Variants in FLRT2 observed in about 807,000 individuals in gnomAD.
FLRT2 encodes fibronectin leucine rich transmembrane protein 2, also known as leucine-rich repeat transmembrane protein FLRT2.
A neutral mutation model predicts 40.0 loss-of-function variants in FLRT2; 15 were observed. The ratio of observed to expected loss-of-function variants is 0.38; its 90% confidence interval spans 0.25 to 0.58. The LOEUF is 0.58. Ranked by LOEUF, FLRT2 falls within the 20% of genes least tolerant of loss-of-function variation. The pLI is 0.71. For missense variants in FLRT2, 726 were observed against 840.0 expected, an observed-to-expected ratio of 0.86 and a Z score of 1.68; for synonymous variants, 380 against 336.8, an observed-to-expected ratio of 1.13 and a Z score of -1.41.
Position 85,653,660 on chromosome 14 carries a change from G to A in FLRT2, c.*30163G>A, listed in dbSNP as rs564080069. ...CCACCTTGGAGAGAGCCCACACGGA[G>A]ACTGGAGATGTAGACTATTAAGAGC... On this transcript the variant is annotated 3_prime_UTR_variant, in exon 2 of 2. Coordinates refer to ENST00000330753, the MANE Select transcript of FLRT2 (RefSeq NM_013231.6). 1 of 152,124 alleles carries A rather than the reference G, an allele frequency of 6.6e-6. No homozygotes were observed. Among genetic ancestry groups the A allele is most frequent in the African/African-American group, 2.4e-5 (1 of 41,416 alleles). The allele number at this position is 152,124 out of a possible 1,614,324, so 9.4% of individuals were successfully genotyped here. A position where few individuals can be genotyped will look rare whatever the true frequency, so the allele number is the denominator to read the frequency against.
intron 1 of FLRT2, among the ~76,000 whole-genome samples, chr14:85,560,098 T>C (rs980086642): frequency 6.6e-6 from 1 of 152,204 alleles, no homozygotes; most frequent in Non-Finnish European, 1.5e-5. Flanking sequence ...TCTGACTCTT[T>C]GGGGCTGAGT....
At position 85,642,044 on chromosome 14, in the gene FLRT2, C is replaced by G. The variant is rs1457371318; in HGVS notation, c.*18547C>G. ...ACAACAAATTCAGAGTTTTAAATAA[C>G]TGGCTCAAGGCAAGTCAGAGGTCCA... is the stretch of plus-strand genomic sequence containing the variant. On this transcript the variant is annotated 3_prime_UTR_variant, in exon 2 of 2. Transcript: ENST00000330753. 6.6e-6 allele frequency: 1 copy of G among 150,444 alleles called. No homozygotes were observed. Among genetic ancestry groups the G allele is most frequent in the East Asian group, 2.0e-4 (1 of 5,094 alleles). 9.3% of individuals were successfully genotyped at this position (150,444 alleles called of 1,614,324 possible). A position where few individuals can be genotyped will look rare whatever the true frequency, so the allele number is the denominator to read the frequency against.
intron 1 of FLRT2, among the ~76,000 whole-genome samples, chr14:85,566,223 C>T (rs1390034583): frequency 6.6e-6 from 1 of 152,152 alleles, no homozygotes; most frequent in African/African-American, 2.4e-5. Flanking sequence ...TAGAGACCCA[C>T]TATCACAATG....
rs1465214021 is a variant in FLRT2 at position 85,631,118 on chromosome 14, A to G, written c.*7621A>G. On this transcript the variant is annotated 3_prime_UTR_variant, in exon 2 of 2. Coordinates refer to ENST00000330753, the MANE Select transcript of FLRT2 (RefSeq NM_013231.6). ...TACATATATAATCTAGATTTTATAT[A>G]TATATATATATGAAATGAGCAAACA... The G allele has an allele frequency of 1.5e-5, 2 of 135,936 alleles. No homozygotes were observed. Among genetic ancestry groups the G allele is most frequent in the East Asian group, 4.4e-4 (2 of 4,542 alleles). The allele number at this position is 135,936 out of a possible 1,614,324, so 8.4% of individuals were successfully genotyped here. A position where few individuals can be genotyped will look rare whatever the true frequency, so the allele number is the denominator to read the frequency against.
At position 85,621,934 on chromosome 14, in the gene FLRT2, G is replaced by C. The variant is rs1392928179; in HGVS notation, c.420G>C (p.Leu140=). The change falls in exon 2 of 2, where the codon CTG becomes CTC. Residue 140 remains leucine (L), a synonymous_variant. Transcript: ENST00000330753. ...AQLLKLEELH[L]DDNSISTVGV... is the part of the protein sequence containing the mutation. ...TCTTGAAGCTTGAAGAGCTGCACCT[G>C]GATGACAACTCCATATCCACAGTGG... 6 of 1,601,066 alleles carry C rather than the reference G, an allele frequency of 3.7e-6. No homozygotes were observed. Among genetic ancestry groups the C allele is most frequent in the Non-Finnish European group, 5.1e-6 (6 of 1,173,028 alleles).
At chr14:85,531,262 G>A (rs925825382) in intron 1 of FLRT2, 1 of 152,376 alleles carries the variant, frequency 6.6e-6, no homozygotes, top group African/African-American at 2.4e-5. Context: ...GCAGGGAGAG[G>A]GCGAATAACG....
Position 85,647,085 on chromosome 14 carries a change from G to A in FLRT2, c.*23588G>A, listed in dbSNP as rs1894323890. 1 of 152,086 alleles carries A rather than the reference G, an allele frequency of 6.6e-6. No homozygotes were observed. The highest frequency in any genetic ancestry group is 1.5e-5 in the Non-Finnish European group (1 of 68,026). The allele number at this position is 152,086 out of a possible 1,614,324, so 9.4% of individuals were successfully genotyped here. A position where few individuals can be genotyped will look rare whatever the true frequency, so the allele number is the denominator to read the frequency against. On this transcript the variant is annotated 3_prime_UTR_variant, in exon 2 of 2. Transcript: ENST00000330753. The stretch of plus-strand genomic sequence containing the variant: ...TGCTCAAGATGGATGTCACTAATGT[G>A]CAACTGATCCACAACCTCATACAAT...
At chr14:85,603,259 G>A (rs1892459120) in intron 1 of FLRT2, among the ~76,000 whole-genome samples, 2 of 152,112 alleles carry the variant, frequency 1.3e-5, no homozygotes, top group South Asian at 4.1e-4. Flanking sequence ...CGCCTGTAGA[G>A]CTATCTACAG....
Position 85,621,636 on chromosome 14 carries a change from G to A in FLRT2, c.122G>A (p.Arg41His), listed in dbSNP as rs766170020. 2 of 1,614,068 alleles carry A rather than the reference G, an allele frequency of 1.2e-6. No individual in the cohort carries two copies. Among genetic ancestry groups the A allele is most frequent in the East Asian group, 2.2e-5 (1 of 44,860 alleles). Residue 41 changes from arginine (R) to histidine (H), a missense_variant, in exon 2 of 2, where the codon CGC becomes CAC. By Grantham distance (29) the Arg-to-His change is conservative. Around this residue, in one of 3 missense-constraint regions of FLRT2, gnomAD observed 106 missense variants for 121.2 expected, o/e 0.87. Transcript: ENST00000330753. The stretch of plus-strand genomic sequence containing the variant: ...CTCCTGGCCTGCCCTAGTGTGTGCC[G>A]CTGCGACAGGAACTTTGTCTACTGT... ...SKLLACPSVC[R>H]CDRNFVYCNE...
At chr14:85,613,538 C>G (rs569916236) in intron 1 of FLRT2, among the ~76,000 whole-genome samples, 1 of 152,328 alleles carries the variant, frequency 6.6e-6, no homozygotes, top group African/African-American at 2.4e-5. Flanking sequence ...GAAATATTAT[C>G]TCACTGATTC....
intron 1 of FLRT2, among the ~76,000 whole-genome samples, chr14:85,565,566 A>C (rs572788941): frequency 6.6e-6 from 1 of 152,292 alleles, no homozygotes; most frequent in African/African-American, 2.4e-5. Flanking sequence ...TTATTTATTT[A>C]AATTTTTGAA....
At chr14:85,580,627 C>G (rs114818803) in intron 1 of FLRT2, among the ~76,000 whole-genome samples, 2,054 of 152,226 alleles carry the variant, frequency 0.013, 45 homozygotes, top group African/African-American at 0.047. Flanking sequence ...GAGTGAATTG[C>G]TGAAGTTTCT....
Position 85,560,065 on chromosome 14 carries a change from A to G in FLRT2, c.-377+29531A>G, listed in dbSNP as rs186250343. Among the ~76,000 whole-genome samples the G allele has an allele frequency of 9.1e-4, 138 of 152,296 alleles. 4 individuals are homozygous for G. The South Asian group carries it at 0.021, about 23-fold the overall frequency. On this transcript the variant is annotated intron_variant, in intron 1 of 1. Coordinates refer to ENST00000330753, the MANE Select transcript of FLRT2 (RefSeq NM_013231.6). Reference sequence around the variant, plus strand: ...TTCTGTACTTCAAAGTGTTTCTGCCAGGCATACCTTGTCTGTCCCAGCTCT... The same window carrying G: ...TTCTGTACTTCAAAGTGTTTCTGCCGGGCATACCTTGTCTGTCCCAGCTCT...
At chr14:85,592,946 T>C (rs1891967327) in intron 1 of FLRT2, among the ~76,000 whole-genome samples, 2 of 152,282 alleles carry the variant, frequency 1.3e-5, no homozygotes, top group Non-Finnish European at 2.9e-5. Context: ...TTTGTAGTCA[T>C]TCTATAATAT....
chr14:85,559,794 A>T (rs992064434), intron 1 of FLRT2, among the ~76,000 whole-genome samples: 29 of 151,838 alleles, frequency 1.9e-4, no homozygotes, highest in African/African-American at 7.0e-4. Flanking sequence ...GCTGCCCATT[A>T]CCTCCGTGAG....
chr14:85,621,526 G>A lies in FLRT2; in HGVS notation c.12G>A (p.Gln4=). Residue 4 remains glutamine (Q), a synonymous_variant, in exon 2 of 2, where the codon CAG becomes CAA. Coordinates refer to ENST00000330753, the MANE Select transcript of FLRT2 (RefSeq NM_013231.6). MGL[Q]TTKWPSHGAF... ...TCCGTACTTCAGAAATGGGCCTACA[G>A]ACCACAAAGTGGCCCAGCCATGGGG... 4 of 1,608,796 alleles carry A rather than the reference G, an allele frequency of 2.5e-6. No individual in the cohort carries two copies. Among genetic ancestry groups the A allele is most frequent in the Non-Finnish European group, 3.4e-6 (4 of 1,177,420 alleles).
intron 1 of FLRT2, among the ~76,000 whole-genome samples, chr14:85,611,911 CGAAAGCGT>C (rs1892887340): frequency 2.3e-5 from 3 of 128,206 alleles, no homozygotes; most frequent in African/African-American, 8.4e-5. Flanking sequence ...CGCGCGTGCG[CGAAAGCGT>C]GTGTGTGTGT....
chr14:85,550,280 C>T (rs1889535913), intron 1 of FLRT2, among the ~76,000 whole-genome samples: 3 of 152,048 alleles, frequency 2.0e-5, no homozygotes, highest in Non-Finnish European at 4.4e-5. Context: ...AGTGTTTCTA[C>T]TGGTGGAATT....
intron 1 of FLRT2, among the ~76,000 whole-genome samples, chr14:85,594,503 C>G (rs1216053292): frequency 6.6e-6 from 1 of 152,164 alleles, no homozygotes; most frequent in African/African-American, 2.4e-5. Context: ...ACTATTTAAA[C>G]CTTGGCCCTC....
Sources: allele counts gnomAD v4.1 joint callset (sites outside exome capture counted in the v4.1 genomes callset), GRCh38; gene constraint gnomAD v4.1.1; regional missense constraint gnomAD v4.1.1; transcripts MANE v1.5; gene names NCBI Gene and HGNC (gene_info 2026-07-23, HGNC 2026-07-21).